TACC2: variants seen among roughly 807,000 people sequenced by gnomAD.
TACC2 encodes transforming acidic coiled-coil-containing protein 2.
In TACC2, 137 loss-of-function variants were observed where a neutral mutation model predicts 227.3. That is an observed-to-expected ratio of 0.60 (90% confidence interval 0.52 to 0.69). TACC2 has a LOEUF of 0.69. Among genes scored for constraint, TACC2 ranks in the 30% least tolerant of loss-of-function variants. The probability of loss-of-function intolerance (pLI) is 0.00; values close to 1 mark genes in which losing one functional copy is unlikely to be tolerated. For missense variants in TACC2, 3,470 were observed against 3,694.4 expected, an observed-to-expected ratio of 0.94 and a Z score of 1.57; for synonymous variants, 1,523 against 1,487.5, an observed-to-expected ratio of 1.02 and a Z score of -0.55.
chr10:122,077,865 A>G (rs1785310589), intron 3 of TACC2, among the ~76,000 whole-genome samples: 1 of 152,092 alleles, frequency 6.6e-6, no homozygotes, highest in Admixed American at 6.6e-5. Context: ...CCACCCTTCT[A>G]CCAGGCTGTT....
intron 22 of TACC2, among the ~76,000 whole-genome samples, chr10:122,250,867 T>C (rs1265731717): frequency 6.6e-6 from 1 of 151,438 alleles, no homozygotes; most frequent in Non-Finnish European, 1.5e-5. Context: ...TGGATGTTCC[T>C]GGTTATCCAG....
intron 2 of TACC2, among the ~76,000 whole-genome samples, chr10:122,045,604 G>T (rs1404451243): frequency 6.6e-6 from 1 of 152,230 alleles, no homozygotes; most frequent in African/African-American, 2.4e-5. Flanking sequence ...TAAATGCTGG[G>T]TGTCAGTATT....
intron 7 of TACC2, among the ~76,000 whole-genome samples, chr10:122,193,886 T>C (rs2094486747): frequency 6.6e-6 from 1 of 152,010 alleles, no homozygotes; most frequent in African/African-American, 2.4e-5. Flanking sequence ...AGCAGGGTGA[T>C]GGGGAGGGCT....
chr10:122,039,828 ACT>A (rs1327907845), intron 2 of TACC2, among the ~76,000 whole-genome samples: 1 of 147,142 alleles, frequency 6.8e-6, no homozygotes, highest in African/African-American at 2.5e-5. Flanking sequence ...TGCTATTGAA[ACT>A]CTGAATTTTA....
At chr10:122,040,905 A>T (rs1232113455) in intron 2 of TACC2, among the ~76,000 whole-genome samples, 3 of 152,288 alleles carry the variant, frequency 2.0e-5, no homozygotes, top group Non-Finnish European at 4.4e-5. Context: ...AGTAGGTGAC[A>T]TCAGAAGGAC....
chr10:122,251,586 G>T (rs1203841347), intron 22 of TACC2, among the ~76,000 whole-genome samples: 2 of 152,216 alleles, frequency 1.3e-5, no homozygotes. Flanking sequence ...TGTGGTCCCA[G>T]CTATTCGGGA....
chr10:122,160,402 A>G (rs967974751), intron 7 of TACC2, among the ~76,000 whole-genome samples: 1 of 152,146 alleles, frequency 6.6e-6, no homozygotes, highest in Admixed American at 6.5e-5. Flanking sequence ...AATAGAAAAC[A>G]GTGATTTCTT....
At position 122,230,411 on chromosome 10, in the gene TACC2, T is replaced by C. The variant is rs1271866439; in HGVS notation, c.8098T>C (p.Leu2700=). The C allele has an allele frequency of 3.7e-6, 6 of 1,614,196 alleles. No homozygotes were observed. In the South Asian group the frequency reaches 5.5e-5, roughly 15 times the overall value. Residue 2700 remains leucine, a synonymous_variant, in exon 16 of 23, where the codon TTG becomes CTG. Transcript: ENST00000369005. ...CCTGAAGCTGGCCAGGCAGATTGCT[T>C]TGGCTTCCCGCAGCCACCAGGATGC... is the stretch of plus-strand genomic sequence containing the variant. The part of the protein sequence containing the change: ...EALKLARQIA[L]ASRSHQDAKR...
rs765884417 is a variant in TACC2 at position 122,086,889 on chromosome 10, C to T, written c.4389C>T (p.Leu1463=). The T allele has an allele frequency of 2.5e-6, 4 of 1,613,806 alleles. No individual in the cohort carries two copies. In the African/African-American group the frequency reaches 4.0e-5, roughly 16 times the overall value. The change falls in exon 4 of 23, where the codon CTC becomes CTT. Residue 1463 remains leucine, a synonymous_variant. Coordinates refer to ENST00000369005, the MANE Select transcript of TACC2 (RefSeq NM_206862.4). ...CTCCAGGAGTGGATGTCACCCTTCTCCCTGCACCTCCTGCTCGACTCCAGG... is the reference window on the plus strand; with the variant it reads ...CTCCAGGAGTGGATGTCACCCTTCTTCCTGCACCTCCTGCTCGACTCCAGG... ...DGPPGVDVTL[L]PAPPARLQVE...
chr10:122,151,824 C>T (rs532858410), intron 7 of TACC2, among the ~76,000 whole-genome samples: 1 of 152,246 alleles, frequency 6.6e-6, no homozygotes, highest in South Asian at 2.1e-4. Context: ...CATCCATTCA[C>T]CAACGTTGAT....
intron 10 of TACC2, among the ~76,000 whole-genome samples, chr10:122,216,164 C>G (rs1275226601): frequency 2.0e-5 from 3 of 152,110 alleles, no homozygotes; most frequent in African/African-American, 7.2e-5. Context: ...CTGTCCTGAC[C>G]TCTCTAGGTT....
intron 2 of TACC2, among the ~76,000 whole-genome samples, chr10:122,034,479 A>C (rs950412041): frequency 6.6e-6 from 1 of 152,064 alleles, no homozygotes; most frequent in Non-Finnish European, 1.5e-5. Flanking sequence ...GTCATTTCCA[A>C]ACTGGGTTGT....
At chr10:122,187,409 C>T (rs1397836088) in intron 7 of TACC2, among the ~76,000 whole-genome samples, 1 of 152,222 alleles carries the variant, frequency 6.6e-6, no homozygotes. Flanking sequence ...CTTTCCTGTC[C>T]AGCTCAGCAG....
intron 5 of TACC2, among the ~76,000 whole-genome samples, chr10:122,097,062 A>G (rs1024877822): frequency 1.3e-5 from 2 of 152,180 alleles, no homozygotes; most frequent in Non-Finnish European, 2.9e-5. Context: ...ACGGTGGCTC[A>G]TGCCTATAAT....
intron 7 of TACC2, among the ~76,000 whole-genome samples, chr10:122,178,527 G>A (rs143025451): frequency 0.01 from 1,517 of 151,120 alleles, 20 homozygotes; most frequent in Admixed American, 0.037. Context: ...ATGAGCCACC[G>A]CGCCCTGCCA....
chr10:122,168,128 C>T (rs2093289179), intron 7 of TACC2, among the ~76,000 whole-genome samples: 1 of 146,174 alleles, frequency 6.8e-6, no homozygotes, highest in East Asian at 2.0e-4. Context: ...TGGTCTCTAA[C>T]TCCTGGGCTC....
intron 3 of TACC2, among the ~76,000 whole-genome samples, chr10:122,062,992 A>G (rs950834112): frequency 2.0e-5 from 3 of 152,180 alleles, no homozygotes; most frequent in Non-Finnish European, 4.4e-5. Flanking sequence ...TCACACAGAC[A>G]GAATGTGGCA....
intron 2 of TACC2, among the ~76,000 whole-genome samples, chr10:122,039,532 A>G (rs2073991926): frequency 6.6e-6 from 1 of 151,944 alleles, no homozygotes; most frequent in East Asian, 1.9e-4. Context: ...GCGGCCTGAG[A>G]TGTGGGGTTG....
At chr10:122,251,211 T>C (rs2096248414) in intron 22 of TACC2, among the ~76,000 whole-genome samples, 1 of 152,112 alleles carries the variant, frequency 6.6e-6, no homozygotes, top group African/African-American at 2.4e-5. Context: ...AGGTGTGACA[T>C]TAATTTAATT....
Sources: allele counts gnomAD v4.1 joint callset (sites outside exome capture counted in the v4.1 genomes callset), GRCh38; gene constraint gnomAD v4.1.1; transcripts MANE v1.5; gene names NCBI Gene and HGNC (gene_info 2026-07-23, HGNC 2026-07-21).